The following RTCA variants were observed in gnomAD, a reference collection of about 807,000 sequenced individuals.
RTCA encodes the protein RNA 3'-terminal phosphate cyclase.
Under a neutral mutation model 46.1 loss-of-function variants are expected in RTCA, and 37 were observed. The ratio of observed to expected loss-of-function variants is 0.80; its 90% CI spans 0.62 to 1.06. RTCA has a LOEUF of 1.06. RTCA is among the 50% of genes least tolerant of loss of function. The pLI, the probability that RTCA is intolerant of heterozygous loss-of-function variation, is 0.00. For missense variants in RTCA, 435 were observed against 455.5 expected (o/e 0.95, Z 0.41); for synonymous variants, 164 against 158.3 (o/e 1.04, Z -0.27).
intron 6 of RTCA, 79 bp downstream of exon 6, chr1:100,275,044 T>C (rs1666299586): frequency 7.4e-7 from 1 of 1,358,980 alleles, no homozygotes; most frequent in Admixed American, 2.3e-5. Context: ...TTTGAAATTA[T>C]TGAGAGAACT....
chr1:100,269,369 T>G (rs1016292941), intron 3 of RTCA, among the ~76,000 whole-genome samples: 8 of 150,720 alleles, frequency 5.3e-5, no homozygotes, highest in African/African-American at 1.9e-4. Context: ...CAGTCTTTTT[T>G]TTTTTTTTTT....
At position 100,266,648 on chromosome 1, in the gene RTCA, T is replaced by A. The variant is rs1413006598; in HGVS notation, c.146+24T>A. On this transcript the variant is annotated intron_variant, in intron 2 of 10. Transcript: ENST00000370128. The stretch of plus-strand genomic sequence containing the variant: ...AGGTAAATCTGGCTGGAGGGGGAGT[T>A]GGGCCGTGAAGCTGGGGGATCGGGG... 1.9e-6 allele frequency: 3 copies of A among 1,577,414 alleles called. No homozygotes were observed. The Admixed American group carries it at 5.3e-5, about 28-fold the overall frequency.
chr1:100,277,351 G>A (rs371554703), intron 8 of RTCA, 35 bp downstream of exon 8: 3 of 1,542,934 alleles, frequency 1.9e-6, no homozygotes, highest in African/African-American at 1.4e-5. Flanking sequence ...AGTTCCCAAT[G>A]CTACTGCAGA....
At chr1:100,267,282 G>A (rs1047441294) in intron 2 of RTCA, 32 of 436,248 alleles carry the variant, frequency 7.3e-5, no homozygotes, top group African/African-American at 5.6e-4. Context: ...TAATAAATCA[G>A]CGGTCTCAGT....
chr1:100,274,825 G>T lies in RTCA; in HGVS notation c.475G>T (p.Gly159Ter). Residue 159 changes from glycine to a stop codon, truncating the protein, a stop_gained and splice_region_variant, in exon 6 of 11, where the codon GGA becomes TGA. Transcript: ENST00000370128. LOFTEE classifies it high-confidence loss of function. Reference protein sequence around the residue: ...FIFNCDIKTRGYYPKGGGEVI... With the variant: ...FIFNCDIKTR ...GGGCATTTGTTATACTTTTCATAGG[G>T]GATATTACCCAAAAGGGGGTGGTGA... is the stretch of plus-strand genomic sequence containing the variant. The T allele has an allele frequency of 1.9e-6, 3 of 1,609,154 alleles. No individual in the cohort carries two copies. The highest frequency in any genetic ancestry group is 2.5e-6 in the Non-Finnish European group (3 of 1,176,772).
In RTCA at chr1:100,267,517, CCAAGAT is replaced by C. The variant is rs753294745; in HGVS notation, c.147-630_147-625del. 11 of 1,545,260 alleles carry C rather than the reference CCAAGAT, an allele frequency of 7.1e-6. No homozygotes were observed. The African/African-American group carries it at 1.4e-4, about 19-fold the overall frequency. On this transcript the variant is annotated intron_variant, in intron 2 of 10. Transcript: ENST00000370128. ...CCTCACAGTTCTGGAGGCTGGAAGT[CCAAGAT>C]CAAGGTCCTGACAAGGTTGGTTTCC...
chr1:100,267,313 A>T, intron 2 of RTCA: 1 of 516,118 alleles, frequency 1.9e-6, no homozygotes, highest in Non-Finnish European at 3.1e-6. Flanking sequence ...CAGTTTTGAA[A>T]TTACCAAAAG....
intron 3 of RTCA, among the ~76,000 whole-genome samples, chr1:100,270,260 T>G (rs1351810549): frequency 6.6e-6 from 1 of 152,226 alleles, no homozygotes; most frequent in Non-Finnish European, 1.5e-5. Flanking sequence ...TAAAGAAAAG[T>G]ATCAGAACTT....
chr1:100,287,111 A>AT lies in RTCA; in HGVS notation c.908dup (p.Met303IlefsTer27), dbSNP rs1667072552. ...CTTTTTTAAATAGCTGATTGTTTTC[A>AT]TGGCATTAGCCAATGGAGTTTCCAG... On this transcript the variant is annotated frameshift_variant, in exon 10 of 11. Transcript: ENST00000370128. LOFTEE classifies it high-confidence loss of function. The AT allele has an allele frequency of 1.3e-6, 2 of 1,549,828 alleles. No homozygotes were observed. The highest frequency in any genetic ancestry group is 2.8e-5 in the African/African-American group (2 of 70,934).
intron 8 of RTCA, among the ~76,000 whole-genome samples, chr1:100,279,227 A>G (rs1242108818): frequency 6.6e-6 from 1 of 152,194 alleles, no homozygotes; most frequent in Non-Finnish European, 1.5e-5. Flanking sequence ...GGTACTGTGT[A>G]CTAGGGATTC....
rs565128336 is a variant in RTCA, at chr1:100,272,441, A to G, written c.415-953A>G. Among the ~76,000 whole-genome samples the G allele has an allele frequency of 9.2e-5, 14 of 152,294 alleles. No homozygotes were observed. The South Asian group carries it at 2.9e-3, about 32-fold the overall frequency. On this transcript the variant is annotated intron_variant, in intron 4 of 10. Transcript: ENST00000370128. ...CATCTCTAAAATAAAAATAAATATC[A>G]AATAGAGGGTTCCAGCTGTTCTGTA... is the stretch of plus-strand genomic sequence containing the variant.
At chr1:100,283,960 G>GA (rs1557979508) in intron 8 of RTCA, among the ~76,000 whole-genome samples, 2 of 81,610 alleles carry the variant, frequency 2.5e-5, no homozygotes. Flanking sequence ...GAAAAAACAA[G>GA]AAAAAACAAG....
intron 10 of RTCA, among the ~76,000 whole-genome samples, chr1:100,287,837 A>G (rs1319821517): frequency 1.4e-5 from 2 of 145,604 alleles, no homozygotes; most frequent in Non-Finnish European, 3.0e-5. Flanking sequence ...ACTGTTGCCC[A>G]GGCTGGAGTG....
At chr1:100,274,445 C>T (rs1666260659) in intron 5 of RTCA, among the ~76,000 whole-genome samples, 1 of 152,192 alleles carries the variant, frequency 6.6e-6, no homozygotes, top group Non-Finnish European at 1.5e-5. Context: ...CCTCAAGGCG[C>T]TTATATTCTA....
At position 100,268,183 on chromosome 1, in the gene RTCA, C is replaced by T. The variant is rs756355302; in HGVS notation, c.178C>T (p.Arg60Ter). 12 of 1,614,062 alleles carry T rather than the reference C, an allele frequency of 7.4e-6. No individual in the cohort carries two copies. The highest frequency in any genetic ancestry group is 1.3e-5 in the African/African-American group (1 of 75,004). ...ACATTTATCTGGACTGGAAATGATT[C>T]GAGATTTGTGTGATGGGCAACTGGA... ...PQHLSGLEMI[R>*]DLCDGQLEGA... The change falls in exon 3 of 11, where the codon CGA becomes TGA. Residue 60 changes from arginine to a stop codon, truncating the protein, a stop_gained. Transcript: ENST00000370128. LOFTEE classifies it high-confidence loss of function.
intron 10 of RTCA, among the ~76,000 whole-genome samples, chr1:100,290,298 T>A (rs1361425746): frequency 6.6e-6 from 1 of 152,074 alleles, no homozygotes; most frequent in Non-Finnish European, 1.5e-5. Flanking sequence ...ATGGGAGTTG[T>A]GAGGAGTCTT....
rs1665781639 is a variant in RTCA at position 100,266,481 on chromosome 1, C to T, written c.46-43C>T. ...AACTAAGGAGGGGAGCTCTCACCAC[C>T]GGTGTGCTTACTTCTCTTCTCCCTG... is the stretch of plus-strand genomic sequence containing the variant. On this transcript the variant is annotated intron_variant, in intron 1 of 10. Transcript: ENST00000370128. 6 of 1,608,038 alleles carry T rather than the reference C, an allele frequency of 3.7e-6. No individual in the cohort carries two copies. The Admixed American group carries it at 6.7e-5, about 18-fold the overall frequency.
intron 8 of RTCA, chr1:100,281,445 T>C: frequency 2.5e-6 from 1 of 392,950 alleles, no homozygotes; most frequent in Non-Finnish European, 5.1e-6. Context: ...TTGTGATCTA[T>C]GTTTAAGGAT....
chr1:100,268,523 G>A (rs1429055809), intron 3 of RTCA, among the ~76,000 whole-genome samples: 1 of 151,924 alleles, frequency 6.6e-6, no homozygotes, highest in Non-Finnish European at 1.5e-5. Context: ...AGCCTCCTGC[G>A]TGGCTGGGAC....
Sources: allele counts gnomAD v4.1 joint callset (sites outside exome capture counted in the v4.1 genomes callset), GRCh38; gene constraint gnomAD v4.1.1; transcripts MANE v1.5; gene names NCBI Gene and HGNC (gene_info 2026-07-23, HGNC 2026-07-21).